Variants in MMP26 observed in about 807,000 individuals in gnomAD.
The protein encoded by MMP26 is matrix metalloproteinase-26.
A neutral mutation model predicts 31.0 loss-of-function variants in MMP26; 33 were observed. The ratio of observed to expected loss-of-function variants is 1.06; its 90% CI spans 0.81 to 1.42. The LOEUF (loss-of-function observed/expected upper bound fraction) is 1.42. Ranked by LOEUF, MMP26 falls within the 40% of genes most tolerant of loss-of-function variation. The pLI, the probability that MMP26 is intolerant of heterozygous loss-of-function variation, is 0.00. For synonymous variants in MMP26, 122 were observed against 114.9 expected (o/e 1.06, Z -0.40); for missense variants, 347 against 316.1 (o/e 1.10, Z -0.74).
At chr11:4,870,881 T>G (rs1300014697) in intron 2 of MMP26, among the ~76,000 whole-genome samples, 1 of 152,098 alleles carries the variant, frequency 6.6e-6, no homozygotes, top group Middle Eastern at 3.2e-3. Context: ...TTAATCAGTA[T>G]GTAGATGATA....
chr11:4,965,777 C>T (rs12804678), intron 2 of MMP26, among the ~76,000 whole-genome samples: 3 of 151,976 alleles, frequency 2.0e-5, no homozygotes. Context: ...TATGGAGACA[C>T]GTAACTAAAT....
intron 2 of MMP26, chr11:4,924,118 G>A (rs759473353): frequency 3.1e-6 from 5 of 1,613,990 alleles, no homozygotes; most frequent in Non-Finnish European, 1.7e-6. Context: ...AAAGGCAAAG[G>A]CCTAAGTCTG....
chr11:4,851,808 G>T (rs920979289), intron 2 of MMP26, among the ~76,000 whole-genome samples: 1 of 151,566 alleles, frequency 6.6e-6, no homozygotes, highest in Non-Finnish European at 1.5e-5. Flanking sequence ...TAATAAAATG[G>T]TAAAAAAATA....
chr11:4,953,790 G>A (rs1846397386), intron 2 of MMP26, among the ~76,000 whole-genome samples: 1 of 125,330 alleles, frequency 8.0e-6, no homozygotes, highest in South Asian at 2.4e-4. Context: ...GTTGGCTCAC[G>A]CCTGTAATAC....
At chr11:4,971,000 T>C (rs1455757494) in intron 2 of MMP26, among the ~76,000 whole-genome samples, 1 of 152,132 alleles carries the variant, frequency 6.6e-6, no homozygotes, top group Non-Finnish European at 1.5e-5. Context: ...GAATTTCAAT[T>C]GACTGAGAAA....
At chr11:4,849,202 T>C (rs749531920) in intron 2 of MMP26, 1 of 1,608,274 alleles carries the variant, frequency 6.2e-7, no homozygotes, top group East Asian at 2.2e-5. Flanking sequence ...GTTGGTAATG[T>C]TGACATAGTT....
intron 2 of MMP26, chr11:4,882,026 G>A (rs1850473308): frequency 6.2e-7 from 1 of 1,613,628 alleles, no homozygotes; most frequent in Non-Finnish European, 8.5e-7. Flanking sequence ...TGCCCTCTTG[G>A]GAAACAGTAT....
At chr11:4,979,287 C>T (rs1200451006) in intron 2 of MMP26, among the ~76,000 whole-genome samples, 1 of 152,118 alleles carries the variant, frequency 6.6e-6, no homozygotes, top group East Asian at 1.9e-4. Flanking sequence ...TTCGTTCAGA[C>T]TGCAAACCAA....
intron 2 of MMP26, among the ~76,000 whole-genome samples, chr11:4,792,493 C>T (rs1849041782): frequency 6.6e-6 from 1 of 152,044 alleles, no homozygotes; most frequent in Admixed American, 6.5e-5. Context: ...AGTAAAGAGC[C>T]TTGTTTGTGG....
At chr11:4,821,749 A>G (rs1183143854) in intron 2 of MMP26, 1 of 1,613,944 alleles carries the variant, frequency 6.2e-7, no homozygotes, top group South Asian at 1.1e-5. Flanking sequence ...ACACGGATTT[A>G]CTTTCATGGA....
intron 2 of MMP26, chr11:4,915,463 G>T: frequency 2.5e-6 from 4 of 1,614,138 alleles, no homozygotes; most frequent in Non-Finnish European, 3.4e-6. Flanking sequence ...GCATGGACAG[G>T]AAGAGATACA....
At chr11:4,869,037 C>A (rs1318394892) in intron 2 of MMP26, among the ~76,000 whole-genome samples, 4 of 152,084 alleles carry the variant, frequency 2.6e-5, no homozygotes, top group African/African-American at 9.7e-5. Context: ...GAAACTGGAT[C>A]CTTCCTTACA....
intron 2 of MMP26, chr11:4,794,334 C>A (rs188952063): frequency 2.6e-5 from 4 of 152,264 alleles, no homozygotes; most frequent in Admixed American, 2.0e-4. Context: ...AGATACGAGG[C>A]TTTTAATGGA....
At chr11:4,859,320 T>C (rs1850107313) in intron 2 of MMP26, among the ~76,000 whole-genome samples, 1 of 152,210 alleles carries the variant, frequency 6.6e-6, no homozygotes, top group Non-Finnish European at 1.5e-5. Context: ...TAGTGTTATC[T>C]GGATAAATGT....
chr11:4,849,323 G>A, intron 2 of MMP26: 1 of 1,092,184 alleles, frequency 9.2e-7, no homozygotes, highest in African/African-American at 1.6e-5. Flanking sequence ...TCCCTTCCCT[G>A]ACTCATGCAC....
rs1197683028 is a variant in MMP26, at chr11:4,992,227, A to G, written c.771A>G (p.Ser257=). ...RIQHLYGEKC[S]SDIP ...CTGTTTCCATAGGAGAAAAATGTTCATCTGACATACCTTAATGTTAGCACA... is the reference window on the plus strand; with the variant it reads ...CTGTTTCCATAGGAGAAAAATGTTCGTCTGACATACCTTAATGTTAGCACA... The change falls in exon 8 of 8, where the codon TCA becomes TCG. Residue 257 remains serine, a synonymous_variant. Coordinates refer to ENST00000380390, the MANE Select transcript of MMP26 (RefSeq NM_021801.5). 6.2e-7 allele frequency: 1 copy of G among 1,611,220 alleles called. No individual in the cohort carries two copies. The highest frequency in any genetic ancestry group is 1.7e-5 in the Admixed American group (1 of 59,662).
intron 2 of MMP26, chr11:4,907,202 C>G: frequency 1.9e-6 from 1 of 524,458 alleles, no homozygotes; most frequent in Non-Finnish European, 3.4e-6. Context: ...TGTTTAAGGA[C>G]TTCTGGTAAA....
chr11:4,821,970 T>C, intron 2 of MMP26: 4 of 1,614,086 alleles, frequency 2.5e-6, no homozygotes, highest in Non-Finnish European at 3.4e-6. Context: ...ACTGCTACCA[T>C]GTTGATCTCA....
intron 2 of MMP26, chr11:4,924,479 G>C: frequency 1.2e-6 from 1 of 834,816 alleles, no homozygotes; most frequent in Non-Finnish European, 1.9e-6. Flanking sequence ...GGAGAACTGG[G>C]TGGGGGCTGA....
Sources: gnomAD v4.1 joint callset for allele counts (sites outside exome capture counted in the v4.1 genomes callset) on GRCh38, gnomAD v4.1.1 for gene constraint, MANE v1.5 for transcripts, NCBI Gene and HGNC (gene_info 2026-07-23, HGNC 2026-07-21) for gene names.